MALRD1: variants seen among roughly 807,000 people sequenced by gnomAD.
The protein encoded by MALRD1 is MAM and LDL-receptor class A domain-containing protein 1.
In MALRD1, 247 loss-of-function variants were observed where a neutral mutation model predicts 242.1. That is an observed-to-expected ratio of 1.02 (90% CI 0.92 to 1.13). The LOEUF is 1.13. MALRD1 is among the 50% of genes most tolerant of loss of function. The probability of loss-of-function intolerance (pLI) is 0.00; values close to 1 mark genes in which losing one functional copy is unlikely to be tolerated. For missense variants in MALRD1, 2,989 were observed against 2,533.1 expected (o/e 1.18, Z -3.86); for synonymous variants, 995 against 866.6 (o/e 1.15, Z -2.60).
intron 2 of MALRD1, among the ~76,000 whole-genome samples, chr10:19,069,168 T>A (rs996838303): frequency 5.3e-5 from 8 of 152,052 alleles, no homozygotes; most frequent in Non-Finnish European, 8.8e-5. Flanking sequence ...AAAAACAATT[T>A]ATTTGAAAAA....
At chr10:19,238,985 A>C (rs749677898) in intron 18 of MALRD1, among the ~76,000 whole-genome samples, 3 of 151,270 alleles carry the variant, frequency 2.0e-5, no homozygotes, top group Non-Finnish European at 2.9e-5. Flanking sequence ...GATGTTGAAC[A>C]TGATTTTATT....
intron 2 of MALRD1, among the ~76,000 whole-genome samples, chr10:19,084,123 G>A (rs1009407105): frequency 6.6e-6 from 1 of 151,898 alleles, no homozygotes; most frequent in South Asian, 2.1e-4. Flanking sequence ...CTATTTTAGG[G>A]TATTCTTTAA....
intron 14 of MALRD1, among the ~76,000 whole-genome samples, chr10:19,183,889 G>A (rs1835628649): frequency 6.6e-6 from 1 of 152,108 alleles, no homozygotes; most frequent in Non-Finnish European, 1.5e-5. Flanking sequence ...ATGTAACCCA[G>A]GTGTACAGGT....
intron 19 of MALRD1, among the ~76,000 whole-genome samples, chr10:19,274,707 GC>G (rs1380241527): frequency 6.6e-6 from 1 of 152,148 alleles, no homozygotes; most frequent in African/African-American, 2.4e-5. Context: ...ATCATGCTAA[GC>G]TAAATAAGCC....
rs554713641 is a variant in MALRD1, at chr10:19,657,880, G to A, written c.6138-34402G>A. ...CGACTAATTTTGGCCAGGTACAACAGCTCATGCCTGTAATCCCAGCACTTT... is the reference window on the plus strand; with the variant it reads ...CGACTAATTTTGGCCAGGTACAACAACTCATGCCTGTAATCCCAGCACTTT... On this transcript the variant is annotated intron_variant, in intron 36 of 39. Transcript: ENST00000454679. Among the ~76,000 whole-genome samples the A allele has an allele frequency of 2.0e-5, 3 of 152,268 alleles. No individual in the cohort carries two copies. In the East Asian group the frequency reaches 5.8e-4, roughly 29 times the overall value.
At chr10:19,517,233 T>A (rs1292182316) in intron 31 of MALRD1, among the ~76,000 whole-genome samples, 2 of 152,206 alleles carry the variant, frequency 1.3e-5, no homozygotes, top group East Asian at 1.9e-4. Context: ...GGTTGGTTAT[T>A]GTCCTGGGAG....
intron 32 of MALRD1, among the ~76,000 whole-genome samples, chr10:19,562,251 C>T (rs186339041): frequency 2.0e-5 from 3 of 151,940 alleles, no homozygotes; most frequent in Admixed American, 6.6e-5. Context: ...GCCAAGATCG[C>T]GCCACTGTAC....
Position 19,596,978 on chromosome 10 carries a change from G to A in MALRD1, c.5944+1521G>A, listed in dbSNP as rs1013399811. On this transcript the variant is annotated intron_variant, in intron 34 of 39. Transcript: ENST00000454679. ...GACCTCTAGAAATCTGGAACAATTG[G>A]AAGAAGAGTAAAGATGAATGAAAGA... is the stretch of plus-strand genomic sequence containing the variant. Among the ~76,000 whole-genome samples the A allele has an allele frequency of 3.3e-5, 5 of 152,218 alleles. No homozygotes were observed. In the South Asian group the frequency reaches 1.0e-3, roughly 32 times the overall value.
At position 19,493,140 on chromosome 10, in the gene MALRD1, A is replaced by G. The variant is rs1418247624; in HGVS notation, c.5158+1495A>G. On this transcript the variant is annotated intron_variant, in intron 30 of 39. Transcript: ENST00000454679. Reference sequence around the variant, plus strand: ...CATCCAAGAAAAACAAAACCGTATTAATTAAAGAATAACACTCCATTTACC... The same window carrying G: ...CATCCAAGAAAAACAAAACCGTATTGATTAAAGAATAACACTCCATTTACC... 3 of 152,134 alleles carry G rather than the reference A, an allele frequency of 2.0e-5. No homozygotes were observed. In the East Asian group the frequency reaches 5.8e-4, roughly 29 times the overall value. The allele number at this position is 152,134 out of a possible 1,614,324, so 9.4% of individuals were successfully genotyped here. A position where few individuals can be genotyped will look rare whatever the true frequency, so the allele number is the denominator to read the frequency against.
At chr10:19,423,024 T>C (rs1180032622) in intron 28 of MALRD1, among the ~76,000 whole-genome samples, 1 of 152,218 alleles carries the variant, frequency 6.6e-6, no homozygotes, top group East Asian at 1.9e-4. Context: ...CATAGATTTA[T>C]GGCTTCCTGT....
chr10:19,686,881 G>C (rs765541840), intron 36 of MALRD1, among the ~76,000 whole-genome samples: 1 of 152,130 alleles, frequency 6.6e-6, no homozygotes, highest in African/African-American at 2.4e-5. Context: ...CTGAAATGCC[G>C]CAGTGTTACA....
At chr10:19,694,863 A>G (rs1230201718) in intron 38 of MALRD1, among the ~76,000 whole-genome samples, 1 of 152,224 alleles carries the variant, frequency 6.6e-6, no homozygotes, top group Non-Finnish European at 1.5e-5. Flanking sequence ...AAAATGTGGC[A>G]CACATACACC....
At chr10:19,162,845 C>G (rs1020158813) in intron 12 of MALRD1, among the ~76,000 whole-genome samples, 5 of 151,866 alleles carry the variant, frequency 3.3e-5, no homozygotes, top group African/African-American at 1.2e-4. Context: ...AATTTTTCTA[C>G]TATAGGTCAG....
intron 8 of MALRD1, among the ~76,000 whole-genome samples, chr10:19,131,499 G>A (rs1047730321): frequency 6.6e-6 from 1 of 152,252 alleles, no homozygotes; most frequent in African/African-American, 2.4e-5. Context: ...AATACTCATA[G>A]CAACAGCCTA....
intron 18 of MALRD1, among the ~76,000 whole-genome samples, chr10:19,223,703 C>T (rs1337376125): frequency 6.6e-6 from 1 of 152,160 alleles, no homozygotes; most frequent in Non-Finnish European, 1.5e-5. Context: ...CTCTTTCCTT[C>T]CTACCCACTG....
intron 7 of MALRD1, among the ~76,000 whole-genome samples, chr10:19,125,335 T>TTC (rs796386460): frequency 2.7e-5 from 2 of 73,752 alleles, no homozygotes; most frequent in African/African-American, 1.2e-4. Flanking sequence ...CTTTCTTTCT[T>TTC]TCTTTCTTTC....
intron 36 of MALRD1, among the ~76,000 whole-genome samples, chr10:19,678,428 G>A (rs997036225): frequency 1.3e-5 from 2 of 152,048 alleles, no homozygotes; most frequent in East Asian, 3.9e-4. Flanking sequence ...TCTCTTTGTA[G>A]CAATTGTGAA....
intron 29 of MALRD1, among the ~76,000 whole-genome samples, chr10:19,463,027 A>G (rs1210465321): frequency 6.6e-6 from 1 of 152,214 alleles, no homozygotes; most frequent in Non-Finnish European, 1.5e-5. Flanking sequence ...GTTAAATCAT[A>G]AGGAAATCTA....
chr10:19,120,924 A>G (rs540455682), intron 5 of MALRD1, among the ~76,000 whole-genome samples: 6 of 152,176 alleles, frequency 3.9e-5, no homozygotes, highest in Admixed American at 1.3e-4. Flanking sequence ...TTGTATTTTT[A>G]GTAGATACGG....
Sources: allele counts gnomAD v4.1 joint callset (sites outside exome capture counted in the v4.1 genomes callset), GRCh38; gene constraint gnomAD v4.1.1; transcripts MANE v1.5; gene names NCBI Gene and HGNC (gene_info 2026-07-23, HGNC 2026-07-21).